TENM3: variants seen among roughly 807,000 people sequenced by gnomAD.
The protein encoded by TENM3 is teneurin-3.
In TENM3, 63 loss-of-function variants were observed where a neutral mutation model predicts 255.1. The ratio of observed to expected loss-of-function variants is 0.25; its 90% CI spans 0.20 to 0.30. The LOEUF is 0.30. TENM3 is among the 10% of genes least tolerant of loss of function. TENM3 has a pLI of 1.00. For synonymous variants in TENM3, 1,306 were observed against 1,322.3 expected, an observed-to-expected ratio of 0.99 and a Z score of 0.27; for missense variants, 2,929 against 3,461.1, an observed-to-expected ratio of 0.85 and a Z score of 3.86.
chr4:182,390,080 A>G (rs1768320744), intron 3 of TENM3, among the ~76,000 whole-genome samples: 1 of 152,106 alleles, frequency 6.6e-6, no homozygotes. Flanking sequence ...TTTCTGTTTC[A>G]TTGACTGTAT....
intron 6 of TENM3, among the ~76,000 whole-genome samples, chr4:182,662,813 C>G (rs936343285): frequency 6.6e-6 from 1 of 152,130 alleles, no homozygotes; most frequent in African/African-American, 2.4e-5. Flanking sequence ...CCACTGACTT[C>G]CAGGTGTGTT....
At chr4:182,034,653 G>A in the TENM3 span, among the ~76,000 whole-genome samples, 345 of 152,220 alleles carry the variant, frequency 2.3e-3, no homozygotes, top group Middle Eastern at 0.01. Flanking sequence ...GCTTAGTTTG[G>A]CCAGATATGA....
chr4:182,188,457 T>G (rs139710053), intron 1 of TENM3, among the ~76,000 whole-genome samples: 1 of 152,174 alleles, frequency 6.6e-6, no homozygotes. Context: ...CGTGCATGTC[T>G]GTCACAGGTG....
rs572307137 is a variant in TENM3 at position 182,570,695 on chromosome 4, G to A, written c.512-30229G>A. ...TAAAAATACAAAAAATTAGCCAGGCGTCATGGCAGGCGCCTGTAGTCCAGC... is the reference window on the plus strand; with the variant it reads ...TAAAAATACAAAAAATTAGCCAGGCATCATGGCAGGCGCCTGTAGTCCAGC... On this transcript the variant is annotated intron_variant, in intron 3 of 27. Transcript: ENST00000511685. Among the ~76,000 whole-genome samples, 48 of 152,218 alleles carry A rather than the reference G, an allele frequency of 3.2e-4. 1 individual carries two copies. The South Asian group carries it at 8.5e-3, about 27-fold the overall frequency.
At chr4:182,260,155 C>T (rs936662860) in intron 1 of TENM3, among the ~76,000 whole-genome samples, 3 of 152,080 alleles carry the variant, frequency 2.0e-5, no homozygotes, top group East Asian at 1.9e-4. Flanking sequence ...ACACTTAGGG[C>T]GATTTCATAT....
the TENM3 span, among the ~76,000 whole-genome samples, chr4:181,832,239 A>C: frequency 6.6e-6 from 1 of 152,170 alleles, no homozygotes; most frequent in South Asian, 2.1e-4. Context: ...CGTACAAGGC[A>C]GATTAAAATA....
At chr4:182,474,007 T>C (rs192200142) in intron 3 of TENM3, among the ~76,000 whole-genome samples, 1 of 152,276 alleles carries the variant, frequency 6.6e-6, no homozygotes, top group East Asian at 1.9e-4. Context: ...GAAATGTATC[T>C]CCTGATGAGA....
chr4:181,664,998 C>T, the TENM3 span, among the ~76,000 whole-genome samples: 1 of 152,160 alleles, frequency 6.6e-6, no homozygotes, highest in East Asian at 1.9e-4. Flanking sequence ...GGGATTAACT[C>T]CTTTCATACC....
the TENM3 span, among the ~76,000 whole-genome samples, chr4:181,858,287 T>G: frequency 1.2e-4 from 18 of 152,204 alleles, no homozygotes; most frequent in African/African-American, 4.1e-4. Flanking sequence ...CCCAAATACT[T>G]TGCAAGATTT....
chr4:181,745,461 A>G, the TENM3 span, among the ~76,000 whole-genome samples: 2 of 152,306 alleles, frequency 1.3e-5, no homozygotes, highest in African/African-American at 2.4e-5. Flanking sequence ...TAAAATTGTT[A>G]TATTTGTTAG....
the TENM3 span, among the ~76,000 whole-genome samples, chr4:182,079,288 G>A: frequency 2.0e-5 from 3 of 152,040 alleles, no homozygotes; most frequent in South Asian, 4.1e-4. Flanking sequence ...AGGCCGAGGC[G>A]GGCAGATCAT....
In TENM3 at chr4:182,793,698, G is replaced by T. The variant is rs1190178497; in HGVS notation, c.7026G>T (p.Leu2342=). The change falls in exon 26 of 28, where the codon CTG becomes CTT. Residue 2342 remains leucine, a synonymous_variant. Transcript: ENST00000511685. This position sits in a 1 kb window ranked among gnomAD's most constrained non-coding sequence, Gnocchi z 5.7. The part of the protein sequence containing the change: ...FQLVIGFHGG[L]YDPLTKLIHF... Reference sequence around the variant, plus strand: ...TGGTAATTGGATTTCATGGTGGCCTGTATGACCCACTCACCAAATTAATCC... The same window carrying T: ...TGGTAATTGGATTTCATGGTGGCCTTTATGACCCACTCACCAAATTAATCC... 1 of 1,614,004 alleles carries T rather than the reference G, an allele frequency of 6.2e-7. No individual in the cohort carries two copies. Among genetic ancestry groups the T allele is most frequent in the Non-Finnish European group, 8.5e-7 (1 of 1,179,876 alleles).
At chr4:181,706,606 A>C in the TENM3 span, among the ~76,000 whole-genome samples, 1 of 152,204 alleles carries the variant, frequency 6.6e-6, no homozygotes, top group Admixed American at 6.5e-5. Context: ...ATATTAAAGT[A>C]CTTTTTAAAG....
At chr4:182,420,691 A>G (rs1234100085) in intron 3 of TENM3, among the ~76,000 whole-genome samples, 2 of 152,242 alleles carry the variant, frequency 1.3e-5, no homozygotes, top group Admixed American at 1.3e-4. Flanking sequence ...ATATGATTGT[A>G]CACTCTTAGC....
At chr4:182,094,941 TA>T in the TENM3 span, among the ~76,000 whole-genome samples, 293 of 105,612 alleles carry the variant, frequency 2.8e-3, no homozygotes, top group East Asian at 4.7e-3. Context: ...AAATAGAAGG[TA>T]AAAAAAAAAA....
At chr4:181,860,486 A>G in the TENM3 span, among the ~76,000 whole-genome samples, 1 of 152,232 alleles carries the variant, frequency 6.6e-6, no homozygotes, top group African/African-American at 2.4e-5. Context: ...ACAATGCCAT[A>G]GACAATACAA....
chr4:182,500,378 G>A (rs942019015), intron 3 of TENM3, among the ~76,000 whole-genome samples: 2 of 152,026 alleles, frequency 1.3e-5, no homozygotes, highest in Non-Finnish European at 2.9e-5. Context: ...TAAGGGACAT[G>A]GATAGCTAAC....
intron 22 of TENM3, among the ~76,000 whole-genome samples, chr4:182,756,958 AAG>A (rs943278919): frequency 1.3e-5 from 2 of 152,180 alleles, no homozygotes; most frequent in African/African-American, 4.8e-5. Context: ...CGAAGCAAAA[AAG>A]AGCACAAGAA....
At chr4:181,455,121 T>G in the TENM3 span, among the ~76,000 whole-genome samples, 9 of 152,112 alleles carry the variant, frequency 5.9e-5, no homozygotes, top group Non-Finnish European at 1.3e-4. Flanking sequence ...TAATTTAAGA[T>G]GGTACAAAAA....
Sources: allele counts gnomAD v4.1 joint callset (sites outside exome capture counted in the v4.1 genomes callset), GRCh38; gene constraint gnomAD v4.1.1; non-coding constraint Gnocchi (gnomAD v3.1); transcripts MANE v1.5; gene names NCBI Gene and HGNC (gene_info 2026-07-23, HGNC 2026-07-21).